DYNC2I2: variants seen among roughly 807,000 people sequenced by gnomAD.
DYNC2I2 encodes the protein cytoplasmic dynein 2 intermediate chain 2.
In DYNC2I2, 39 loss-of-function variants were observed where a neutral mutation model predicts 52.0. The ratio of observed to expected loss-of-function variants is 0.75; its 90% confidence interval spans 0.58 to 0.98. The LOEUF (loss-of-function observed/expected upper bound fraction) is 0.98, where lower values mean the gene tolerates loss of function less well. DYNC2I2 is among the 50% of genes least tolerant of loss of function. DYNC2I2 has a pLI of 0.00. For missense variants in DYNC2I2, 743 were observed against 728.4 expected (o/e 1.02, Z -0.23); for synonymous variants, 359 against 321.1 (o/e 1.12, Z -1.26).
intron 2 of DYNC2I2, among the ~76,000 whole-genome samples, chr9:128,637,532 T>A (rs926544385): frequency 6.6e-6 from 1 of 152,154 alleles, no homozygotes; most frequent in African/African-American, 2.4e-5. Context: ...AACTGCCACC[T>A]CCTGGGTTCA....
At chr9:128,679,624 T>C in the DYNC2I2 span, among the ~76,000 whole-genome samples, 1 of 151,832 alleles carries the variant, frequency 6.6e-6, no homozygotes, top group Non-Finnish European at 1.5e-5. Context: ...CCTTTATGTT[T>C]GGCTAACTTT....
At chr9:128,646,306 T>C (rs566408854) in intron 1 of DYNC2I2, among the ~76,000 whole-genome samples, 1 of 152,262 alleles carries the variant, frequency 6.6e-6, no homozygotes, top group African/African-American at 2.4e-5. Context: ...CCTCCTGGGT[T>C]CTAGCAATTC....
chr9:128,676,909 C>T, the DYNC2I2 span, among the ~76,000 whole-genome samples: 5 of 149,414 alleles, frequency 3.3e-5, no homozygotes, highest in East Asian at 4.1e-4. Flanking sequence ...AATGCAGTGG[C>T]GAGATCTCTG....
In DYNC2I2 at chr9:128,647,229, C is replaced by T. The variant is rs73669962; in HGVS notation, c.187-6290G>A. On this transcript the variant is annotated intron_variant, in intron 1 of 8. Transcript: ENST00000372715. ...TCTTTGTGCTCCGGGATACCTAAGT[C>T]AGAGATCCCTTTGGGGATGAGGCCC... is the stretch of plus-strand genomic sequence containing the variant. Among the ~76,000 whole-genome samples the T allele has an allele frequency of 5.6e-3, 848 of 152,330 alleles. 9 individuals carry two copies. Among genetic ancestry groups the T allele is most frequent in the African/African-American group, 0.019 (810 of 41,568 alleles).
intron 2 of DYNC2I2, among the ~76,000 whole-genome samples, chr9:128,640,361 G>A (rs1307191639): frequency 5.3e-5 from 8 of 152,160 alleles, no homozygotes; most frequent in Admixed American, 3.9e-4. Flanking sequence ...TCACTGCACC[G>A]TACATGGGGA....
At chr9:128,645,316 C>T (rs1355162722) in intron 1 of DYNC2I2, among the ~76,000 whole-genome samples, 1 of 151,996 alleles carries the variant, frequency 6.6e-6, no homozygotes, top group Non-Finnish European at 1.5e-5. Flanking sequence ...GCCAACACAG[C>T]AAAACTCCAT....
At chr9:128,641,050 A>C (rs2132156838) in intron 1 of DYNC2I2, 111 bp from the exon 2 acceptor site, 1 of 1,436,200 alleles carries the variant, frequency 7.0e-7, no homozygotes, top group East Asian at 2.5e-5. Context: ...TGTGGGTCTC[A>C]GGCTAGGGGC....
chr9:128,635,799 A>G (rs1239473915), intron 4 of DYNC2I2, 32 bp from the exon 5 acceptor site: 2 of 1,575,346 alleles, frequency 1.3e-6, no homozygotes, highest in African/African-American at 1.4e-5. Context: ...GCAGAGGCTC[A>G]GCCCCACCCC....
chr9:128,668,932 C>G, the DYNC2I2 span, among the ~76,000 whole-genome samples: 2 of 151,396 alleles, frequency 1.3e-5, no homozygotes, highest in Non-Finnish European at 1.5e-5. Flanking sequence ...GAGTGTATAA[C>G]AACTAACCTG....
At chr9:128,676,839 G>GTTTTTTT in the DYNC2I2 span, among the ~76,000 whole-genome samples, 1 of 144,306 alleles carries the variant, frequency 6.9e-6, no homozygotes, top group African/African-American at 2.5e-5. Flanking sequence ...GGCCCCAGCT[G>GTTTTTTT]TTTTTTTTTT....
rs1860839979 is a variant in DYNC2I2 at position 128,656,837 on chromosome 9, G to C, written c.-111C>G. 21 of 1,107,976 alleles carry C rather than the reference G, an allele frequency of 1.9e-5. No individual in the cohort carries two copies. Among genetic ancestry groups the C allele is most frequent in the South Asian group, 4.4e-5 (2 of 45,038 alleles). The allele number at this position is 1,107,976 out of a possible 1,614,324, so 68.6% of individuals were successfully genotyped here. A position where few individuals can be genotyped will look rare whatever the true frequency, so the allele number is the denominator to read the frequency against. On this transcript the variant is annotated 5_prime_UTR_variant, in exon 1 of 9. Transcript: ENST00000372715. ...GGCTGACGGCGCCATGTTTGAATTG[G>C]TCGCAGCGCCTCCTGCAAGACCTGG...
rs1201676408 is a variant in DYNC2I2, at chr9:128,635,589, T to G, written c.813+69A>C. On this transcript the variant is annotated intron_variant, in intron 5 of 8. Coordinates refer to ENST00000372715, the MANE Select transcript of DYNC2I2 (RefSeq NM_052844.4). Reference sequence around the variant, plus strand: ...ACTGCCAACGCCCGGGTGACCTTCCTAGGAGAGTGGGCGCCCTCTCCCCAG... The same window carrying G: ...ACTGCCAACGCCCGGGTGACCTTCCGAGGAGAGTGGGCGCCCTCTCCCCAG... The G allele has an allele frequency of 4.9e-6, 7 of 1,418,282 alleles. No individual in the cohort carries two copies. In the East Asian group the frequency reaches 1.7e-4, roughly 35 times the overall value. The allele number at this position is 1,418,282 out of a possible 1,614,324, so 87.9% of individuals were successfully genotyped here.
chr9:128,682,672 C>CTTT, the DYNC2I2 span, among the ~76,000 whole-genome samples: 46 of 120,620 alleles, frequency 3.8e-4, no homozygotes, highest in African/African-American at 8.6e-4. Flanking sequence ...GGGACCTTGT[C>CTTT]TTTTTTTTTT....
chr9:128,678,610 C>T, the DYNC2I2 span, among the ~76,000 whole-genome samples: 3 of 150,906 alleles, frequency 2.0e-5, no homozygotes, highest in Non-Finnish European at 4.4e-5. Context: ...GACGAGTACC[C>T]ACCACCACGC....
intron 1 of DYNC2I2, among the ~76,000 whole-genome samples, chr9:128,653,647 C>T (rs1382874447): frequency 7.3e-5 from 11 of 150,850 alleles, no homozygotes; most frequent in African/African-American, 2.0e-4. Flanking sequence ...AGCCGGGAGG[C>T]GGAAGTTGCA....
At chr9:128,642,625 G>A (rs1304419076) in intron 1 of DYNC2I2, among the ~76,000 whole-genome samples, 1 of 151,814 alleles carries the variant, frequency 6.6e-6, no homozygotes, top group African/African-American at 2.4e-5. Flanking sequence ...AAAAAAATTA[G>A]CCGGGCATGG....
At chr9:128,636,876 TG>T in intron 3 of DYNC2I2, 41 bp downstream of exon 3, 1 of 1,495,898 alleles carries the variant, frequency 6.7e-7, no homozygotes, top group Non-Finnish European at 9.2e-7. Flanking sequence ...AGGAGGGTCC[TG>T]GGGTGGCGAG....
the DYNC2I2 span, among the ~76,000 whole-genome samples, chr9:128,662,400 A>G: frequency 3.5e-5 from 4 of 114,572 alleles, no homozygotes; most frequent in East Asian, 9.1e-4. Flanking sequence ...CAAGTGTTAC[A>G]GTCTTGGGTG....
At chr9:128,655,106 C>T (rs1044360734) in intron 1 of DYNC2I2, among the ~76,000 whole-genome samples, 9 of 151,930 alleles carry the variant, frequency 5.9e-5, no homozygotes, top group African/African-American at 1.4e-4. Flanking sequence ...GCCTTGAGCA[C>T]GCAGCATCTC....
Sources: allele counts gnomAD v4.1 joint callset (sites outside exome capture counted in the v4.1 genomes callset), GRCh38; gene constraint gnomAD v4.1.1; transcripts MANE v1.5; gene names NCBI Gene and HGNC (gene_info 2026-07-23, HGNC 2026-07-21).